Variants in RELL1 observed in about 807,000 individuals in gnomAD.
RELL1 encodes the protein RELT-like protein 1.
In RELL1, 10 loss-of-function variants were observed where a neutral mutation model predicts 23.0. That is an observed-to-expected ratio of 0.43 (90% CI 0.27 to 0.74). The LOEUF (loss-of-function observed/expected upper bound fraction) is 0.74. Among genes scored for constraint, RELL1 ranks in the 30% least tolerant of loss-of-function variants. The pLI, the probability that RELL1 is intolerant of heterozygous loss-of-function variation, is 0.19. For synonymous variants in RELL1, 146 were observed against 146.8 expected (o/e 0.99, Z 0.04); for missense variants, 315 against 364.4 (o/e 0.86, Z 1.10).
At chr4:37,613,454 T>C (rs1719475667) in intron 6 of RELL1, 112 bp from the exon 7 acceptor site, 1 of 152,312 alleles carries the variant, frequency 6.6e-6, no homozygotes, top group South Asian at 2.1e-4. Context: ...ATTCTTACCC[T>C]GTCCCATCCC....
intron 2 of RELL1, among the ~76,000 whole-genome samples, chr4:37,647,746 C>A (rs1346555299): frequency 6.6e-6 from 1 of 152,118 alleles, no homozygotes; most frequent in Admixed American, 6.5e-5. Flanking sequence ...TTTCTTAAAG[C>A]CTTATGAGAA....
rs78762197 is a variant in RELL1 at position 37,604,350 on chromosome 4, A to G, written c.*4-13133T>C. ...CGTCGTCCCCAAGTGACCCCTTTCA[A>G]CTATAAATCGGGATTGGAGGAATTC... On this transcript the variant is annotated intron_variant, in intron 6 of 6. Coordinates refer to the RELL1 transcript ENST00000314117. 9.1e-3 allele frequency among the ~76,000 whole-genome samples: 1,354 copies of G among 149,012 alleles called. 11 individuals carry two copies. Among genetic ancestry groups the G allele is most frequent in the South Asian group, 0.013 (61 of 4,706 alleles).
At chr4:37,589,423 AG>A (rs1206599590), downstream of RELL1, among the ~76,000 whole-genome samples, 1 of 152,218 alleles carries the variant, frequency 6.6e-6, no homozygotes, top group African/African-American at 2.4e-5. Context: ...ATGTATTGTA[AG>A]TATCATTCCT....
chr4:37,674,851 G>A (rs749046924), intron 1 of RELL1, among the ~76,000 whole-genome samples: 8 of 152,290 alleles, frequency 5.3e-5, no homozygotes, highest in Non-Finnish European at 1.0e-4. Flanking sequence ...TATTGGTATC[G>A]AAAGGAATTC....
downstream of RELL1, among the ~76,000 whole-genome samples, chr4:37,589,911 C>T (rs1314401264): frequency 2.0e-5 from 3 of 152,230 alleles, no homozygotes; most frequent in Non-Finnish European, 2.9e-5. Flanking sequence ...AGATTACAGG[C>T]GTGAGCCACC....
intron 1 of RELL1, among the ~76,000 whole-genome samples, chr4:37,682,186 AG>A (rs1371891574): frequency 6.6e-6 from 1 of 152,242 alleles, no homozygotes; most frequent in African/African-American, 2.4e-5. Flanking sequence ...CACACAAACC[AG>A]GTAATAATAA....
chr4:37,686,141 T>G, intron 1 of RELL1, 59 bp downstream of exon 1: 2 of 1,448,946 alleles, frequency 1.4e-6, no homozygotes, highest in Non-Finnish European at 1.9e-6. Context: ...CCTCGCTTCC[T>G]TCCGCGCTCC....
intron 3 of RELL1, among the ~76,000 whole-genome samples, chr4:37,639,031 G>T (rs1720431618): frequency 6.6e-6 from 1 of 152,146 alleles, no homozygotes; most frequent in South Asian, 2.1e-4. Context: ...ATGAGAGAAG[G>T]TTAATTTTCC....
intron 1 of RELL1, among the ~76,000 whole-genome samples, chr4:37,681,611 C>T (rs1291749195): frequency 1.4e-5 from 2 of 147,468 alleles, no homozygotes; most frequent in African/African-American, 5.0e-5. Context: ...TCACTGCAAC[C>T]TCCGCTTCCC....
chr4:37,685,864 G>A (rs1382415626), intron 1 of RELL1, among the ~76,000 whole-genome samples: 8 of 152,266 alleles, frequency 5.3e-5, no homozygotes, highest in African/African-American at 1.9e-4. Context: ...ACGGGTCCGC[G>A]GGGTTCCGAG....
At chr4:37,626,137 T>G (rs774854749) in intron 6 of RELL1, among the ~76,000 whole-genome samples, 2 of 152,162 alleles carry the variant, frequency 1.3e-5, no homozygotes, top group Non-Finnish European at 2.9e-5. Context: ...AGTGGGAATA[T>G]ACATTATTAC....
downstream of RELL1, among the ~76,000 whole-genome samples, chr4:37,605,905 AAG>A (rs1286391089): frequency 1.0e-5 from 1 of 96,368 alleles, no homozygotes; most frequent in South Asian, 3.7e-4. Context: ...GAAAGGAAGA[AAG>A]AGGAAGGAAG....
intron 1 of RELL1, among the ~76,000 whole-genome samples, chr4:37,684,030 C>T (rs1722317099): frequency 6.6e-6 from 1 of 152,040 alleles, no homozygotes; most frequent in Non-Finnish European, 1.5e-5. Context: ...GCAGTGAGAT[C>T]GCGCCACTGC....
chr4:37,590,359 G>A (rs984487767), downstream of RELL1: 19 of 1,613,540 alleles, frequency 1.2e-5, no homozygotes, highest in Admixed American at 5.0e-5. Flanking sequence ...CAACGGCATC[G>A]GCCCTGCTGC....
At chr4:37,608,544 A>G (rs1254307165), downstream of RELL1, among the ~76,000 whole-genome samples, 1 of 152,320 alleles carries the variant, frequency 6.6e-6, no homozygotes, top group East Asian at 1.9e-4. Context: ...CTTCAGTTCT[A>G]TAATGACTGA....
intron 3 of RELL1, among the ~76,000 whole-genome samples, chr4:37,644,255 C>A (rs930168853): frequency 6.6e-6 from 1 of 151,710 alleles, no homozygotes; most frequent in Admixed American, 6.6e-5. Context: ...ATATAATACG[C>A]CTCCTCCAAG....
intron 6 of RELL1, among the ~76,000 whole-genome samples, chr4:37,619,741 A>T (rs757749015): frequency 6.6e-6 from 1 of 151,698 alleles, no homozygotes; most frequent in Non-Finnish European, 1.5e-5. Context: ...TAATTTTTTA[A>T]TTTTTAATTT....
In RELL1 at chr4:37,631,456, C is replaced by T. The variant is rs548898277; in HGVS notation, c.748G>A (p.Gly250Arg). 6.2e-7 allele frequency: 1 copy of T among 1,614,032 alleles called. No homozygotes were observed. Among genetic ancestry groups the T allele is most frequent in the Non-Finnish European group, 8.5e-7 (1 of 1,180,026 alleles). The change falls in exon 6 of 7, where the codon GGG becomes AGG. Residue 250 changes from glycine (G) to arginine (R), a missense_variant. Physicochemically the swap from Gly to Arg is moderately radical, Grantham distance 125. Coordinates refer to ENST00000454158, the MANE Select transcript of RELL1 (RefSeq NM_001085400.2). The part of the protein sequence containing the change: ...KERRSLMSVS[G>R]AETVNGEVPA... ...ACCTCCCCATTGACGGTTTCAGCCC[C>T]ACTAACAGACATCAGGCTTCTCCGT...
chr4:37,624,932 A>T (rs1300577083), intron 6 of RELL1, among the ~76,000 whole-genome samples: 1 of 152,258 alleles, frequency 6.6e-6, no homozygotes, highest in Non-Finnish European at 1.5e-5. Context: ...CAGCCATGAC[A>T]ATTGTTAACA....
Sources: allele counts gnomAD v4.1 joint callset (sites outside exome capture counted in the v4.1 genomes callset), GRCh38; gene constraint gnomAD v4.1.1; transcripts MANE v1.5; gene names NCBI Gene and HGNC (gene_info 2026-07-23, HGNC 2026-07-21).